Variants in PKHD1 observed in about 807,000 individuals in gnomAD.
The protein encoded by PKHD1 is fibrocystin.
In PKHD1, 291 loss-of-function variants were observed where a neutral mutation model predicts 412.0. The ratio of observed to expected loss-of-function variants is 0.71; its 90% CI spans 0.64 to 0.78. The LOEUF (loss-of-function observed/expected upper bound fraction) is 0.78. PKHD1 is among the 30% of genes least tolerant of loss of function. PKHD1 has a pLI of 0.00. For synonymous variants in PKHD1, 1,777 were observed against 1,821.5 expected (o/e 0.98, Z 0.62); for missense variants, 4,825 against 4,950.7 (o/e 0.97, Z 0.76).
intron 56 of PKHD1, among the ~76,000 whole-genome samples, chr6:51,753,667 C>T (rs1332485995): frequency 6.6e-6 from 1 of 152,112 alleles, no homozygotes; most frequent in Non-Finnish European, 1.5e-5. Flanking sequence ...TAGTGGGGTC[C>T]CCAACCTGCC....
intron 50 of PKHD1, among the ~76,000 whole-genome samples, chr6:51,838,551 A>G (rs970208033): frequency 2.6e-5 from 4 of 152,236 alleles, no homozygotes; most frequent in Non-Finnish European, 5.9e-5. Flanking sequence ...GTCAGTGAAG[A>G]GAAGTAGTTT....
At chr6:51,820,313 T>A (rs1289554065) in intron 52 of PKHD1, among the ~76,000 whole-genome samples, 1 of 152,192 alleles carries the variant, frequency 6.6e-6, no homozygotes, top group Non-Finnish European at 1.5e-5. Flanking sequence ...AGTCTGTCAG[T>A]CCATCTAGTC....
rs530599204 is a variant in PKHD1, at chr6:51,899,757, T to A, written c.6996+3840A>T. The stretch of plus-strand genomic sequence containing the variant: ...TGTTTACAGAAGACATGATTGTATA[T>A]CTGGAAAGCCCCATTGTCTCAGCCC... On this transcript the variant is annotated intron_variant, in intron 43 of 66. Coordinates refer to ENST00000371117, the MANE Select transcript of PKHD1 (RefSeq NM_138694.4). Among the ~76,000 whole-genome samples, 86 of 152,334 alleles carry A rather than the reference T, an allele frequency of 5.6e-4. 2 individuals are homozygous for A. Among genetic ancestry groups the A allele is most frequent in the African/African-American group, 2.0e-3 (84 of 41,564 alleles).
intron 35 of PKHD1, among the ~76,000 whole-genome samples, chr6:52,001,284 A>T (rs1027573692): frequency 6.6e-6 from 1 of 152,210 alleles, no homozygotes; most frequent in African/African-American, 2.4e-5. Flanking sequence ...ATAACAATAC[A>T]TTAATAGTAG....
chr6:51,704,386 G>A (rs1001535770), intron 60 of PKHD1, among the ~76,000 whole-genome samples: 2 of 152,030 alleles, frequency 1.3e-5, no homozygotes, highest in Admixed American at 6.6e-5. Context: ...ATAAGATAAA[G>A]GGAAGCCAGT....
At chr6:51,988,673 AG>A (rs1731301818) in intron 35 of PKHD1, among the ~76,000 whole-genome samples, 1 of 152,320 alleles carries the variant, frequency 6.6e-6, no homozygotes, top group Admixed American at 6.5e-5. Flanking sequence ...ATACTTAGAG[AG>A]GGCTTTACAC....
chr6:52,029,303 C>A (rs9463748), intron 29 of PKHD1, among the ~76,000 whole-genome samples: 2,900 of 152,256 alleles, frequency 0.019, 91 homozygotes, highest in African/African-American at 0.066. Flanking sequence ...ATTAGCAACT[C>A]TATTAAAATG....
At chr6:51,753,978 T>C (rs1786544273) in intron 56 of PKHD1, among the ~76,000 whole-genome samples, 1 of 152,214 alleles carries the variant, frequency 6.6e-6, no homozygotes, top group African/African-American at 2.4e-5. Context: ...GATTTCTTTT[T>C]TCTTTGCCAC....
chr6:51,664,267 C>T (rs1377563180), intron 60 of PKHD1, among the ~76,000 whole-genome samples: 1 of 152,016 alleles, frequency 6.6e-6, no homozygotes, highest in Non-Finnish European at 1.5e-5. Context: ...AGTCATGACA[C>T]TGGATGAAAA....
intron 37 of PKHD1, among the ~76,000 whole-genome samples, chr6:51,914,391 A>T (rs1195996646): frequency 6.6e-6 from 1 of 152,120 alleles, no homozygotes; most frequent in Non-Finnish European, 1.5e-5. Flanking sequence ...TGCAAAAATA[A>T]CACCTCTATG....
intron 58 of PKHD1, 69 bp from the exon 59 acceptor site, chr6:51,746,958 C>T (rs966209997): frequency 3.0e-5 from 28 of 927,104 alleles, no homozygotes; most frequent in Non-Finnish European, 4.2e-5. Context: ...ATCGAATATA[C>T]AACTAAATAT....
intron 60 of PKHD1, among the ~76,000 whole-genome samples, chr6:51,729,572 T>C (rs1235060297): frequency 1.3e-5 from 2 of 152,162 alleles, no homozygotes; most frequent in South Asian, 2.1e-4. Flanking sequence ...CAAAAATCTC[T>C]AGGATAATGT....
Position 51,867,934 on chromosome 6 carries a change from T to A in PKHD1, c.7662A>T (p.Ser2554=). Residue 2554 remains serine, a synonymous_variant, in exon 48 of 67, where the codon TCA becomes TCT. Coordinates refer to ENST00000371117, the MANE Select transcript of PKHD1 (RefSeq NM_138694.4). ...TGCCATGGACAACCCGACCAAAGCT[T>A]GAATTGACCAAACAAGAAGCTGAAA... ...ETLSASCLVN[S]SFGRVVHGSA... is the part of the protein sequence containing the mutation. The A allele has an allele frequency of 1.2e-6, 2 of 1,613,232 alleles. No homozygotes were observed. The highest frequency in any genetic ancestry group is 1.7e-6 in the Non-Finnish European group (2 of 1,179,334).
intron 35 of PKHD1, among the ~76,000 whole-genome samples, chr6:51,982,158 CG>C (rs1795447668): frequency 2.8e-5 from 1 of 35,352 alleles, no homozygotes; most frequent in Non-Finnish European, 6.2e-5. Flanking sequence ...CGTCTCCGCC[CG>C]GCAGCCACCC....
chr6:51,730,669 G>A (rs1022573912), intron 60 of PKHD1, among the ~76,000 whole-genome samples: 1 of 152,134 alleles, frequency 6.6e-6, no homozygotes, highest in East Asian at 1.9e-4. Context: ...CCAGACAAGC[G>A]AATTTTTCAG....
chr6:51,692,537 T>C (rs1562112157), intron 60 of PKHD1, among the ~76,000 whole-genome samples: 1 of 152,160 alleles, frequency 6.6e-6, no homozygotes, highest in Non-Finnish European at 1.5e-5. Context: ...GACATGGTTA[T>C]TCTTCCTTTT....
chr6:51,930,845 A>G (rs1786460378), intron 37 of PKHD1, among the ~76,000 whole-genome samples: 2 of 152,240 alleles, frequency 1.3e-5, no homozygotes, highest in African/African-American at 4.8e-5. Flanking sequence ...AGCTGCACCA[A>G]GAGAGATTAA....
intron 6 of PKHD1, among the ~76,000 whole-genome samples, chr6:52,075,517 T>C (rs1811220756): frequency 6.6e-6 from 1 of 152,264 alleles, no homozygotes; most frequent in Non-Finnish European, 1.5e-5. Flanking sequence ...TACTTAGTTT[T>C]AAGGCAGATT....
chr6:51,766,673 T>C (rs539326782), intron 55 of PKHD1, among the ~76,000 whole-genome samples: 96 of 151,752 alleles, frequency 6.3e-4, no homozygotes, highest in African/African-American at 2.2e-3. Flanking sequence ...TGTACTATTG[T>C]ATGCTGCAAA....
Sources: allele counts gnomAD v4.1 joint callset (sites outside exome capture counted in the v4.1 genomes callset), GRCh38; gene constraint gnomAD v4.1.1; transcripts MANE v1.5; gene names NCBI Gene and HGNC (gene_info 2026-07-23, HGNC 2026-07-21).